ERBB4: variants seen among roughly 807,000 people sequenced by gnomAD.
ERBB4 encodes the protein erb-b2 receptor tyrosine kinase 4.
Under a neutral mutation model 158.0 loss-of-function variants are expected in ERBB4, and 42 were observed. The observed-to-expected ratio is 0.27, with a 90% CI of 0.21 to 0.34. ERBB4 has a LOEUF of 0.34. Among genes scored for constraint, ERBB4 ranks in the 10% least tolerant of loss-of-function variants. The pLI is 1.00. For missense variants in ERBB4, 1,333 were observed against 1,624.1 expected (o/e 0.82, Z 3.08); for synonymous variants, 583 against 558.7 (o/e 1.04, Z -0.61).
chr2:212,534,976 C>T (rs1381152591), intron 1 of ERBB4, among the ~76,000 whole-genome samples: 4 of 151,814 alleles, frequency 2.6e-5, no homozygotes, highest in Non-Finnish European at 4.4e-5. Flanking sequence ...AGACACATTT[C>T]CAGTGACTAA....
At chr2:211,393,168 C>T (rs2062838738) in intron 25 of ERBB4, among the ~76,000 whole-genome samples, 1 of 152,066 alleles carries the variant, frequency 6.6e-6, no homozygotes. Context: ...TCCTCAAAGT[C>T]TACTTTTATT....
At chr2:211,850,033 T>G (rs1356285146) in intron 3 of ERBB4, among the ~76,000 whole-genome samples, 1 of 152,040 alleles carries the variant, frequency 6.6e-6, no homozygotes, top group Non-Finnish European at 1.5e-5. Context: ...ATCACACTGA[T>G]GCTTTTTAAC....
intron 5 of ERBB4, among the ~76,000 whole-genome samples, chr2:211,726,220 T>C (rs2074262065): frequency 6.6e-6 from 1 of 152,186 alleles, no homozygotes; most frequent in South Asian, 2.1e-4. Context: ...CTCATAAACA[T>C]TAGCATTCCC....
chr2:211,868,419 C>A (rs2078261954), intron 3 of ERBB4, among the ~76,000 whole-genome samples: 1 of 152,182 alleles, frequency 6.6e-6, no homozygotes, highest in South Asian at 2.1e-4. Context: ...GGTTTTATGG[C>A]TCACTGCCAG....
At chr2:212,376,194 G>C (rs143020451) in intron 1 of ERBB4, among the ~76,000 whole-genome samples, 3 of 152,022 alleles carry the variant, frequency 2.0e-5, no homozygotes, top group Non-Finnish European at 4.4e-5. Flanking sequence ...CTGCAGAAAA[G>C]AGCAGAGCAT....
chr2:211,970,007 C>A (rs949477131), intron 2 of ERBB4, among the ~76,000 whole-genome samples: 1 of 152,000 alleles, frequency 6.6e-6, no homozygotes, highest in African/African-American at 2.4e-5. Context: ...TCAGATCTTT[C>A]TAACTTTTTG....
intron 2 of ERBB4, among the ~76,000 whole-genome samples, chr2:212,007,041 T>C (rs560677071): frequency 6.6e-6 from 1 of 152,160 alleles, no homozygotes; most frequent in South Asian, 2.1e-4. Context: ...CTACTATTAC[T>C]GCTAATAGTA....
chr2:211,806,224 A>C (rs575272001), intron 3 of ERBB4, among the ~76,000 whole-genome samples: 1 of 152,280 alleles, frequency 6.6e-6, no homozygotes, highest in African/African-American at 2.4e-5. Flanking sequence ...GATATAAGAA[A>C]GGCAGAGACA....
intron 19 of ERBB4, among the ~76,000 whole-genome samples, chr2:211,583,478 C>A (rs1415969589): frequency 6.6e-6 from 1 of 150,850 alleles, no homozygotes; most frequent in Non-Finnish European, 1.5e-5. Flanking sequence ...TTTATATTCC[C>A]AAGATTTTTG....
chr2:211,848,426 A>T (rs1237560559), intron 3 of ERBB4, among the ~76,000 whole-genome samples: 1 of 152,064 alleles, frequency 6.6e-6, no homozygotes, highest in East Asian at 1.9e-4. Context: ...GTCTAGCCTA[A>T]TGGAGTAAAA....
At chr2:212,524,562 C>T (rs1026442899) in intron 1 of ERBB4, among the ~76,000 whole-genome samples, 2 of 151,990 alleles carry the variant, frequency 1.3e-5, no homozygotes, top group African/African-American at 4.8e-5. Context: ...TAAATGTGGA[C>T]AGAACACCCC....
At chr2:212,088,793 A>T (rs2078689766) in intron 2 of ERBB4, among the ~76,000 whole-genome samples, 1 of 152,174 alleles carries the variant, frequency 6.6e-6, no homozygotes, top group South Asian at 2.1e-4. Flanking sequence ...ATTTTAAATT[A>T]AAAAATTACA....
chr2:211,981,173 C>T (rs991114926), intron 2 of ERBB4, among the ~76,000 whole-genome samples: 2 of 152,134 alleles, frequency 1.3e-5, no homozygotes, highest in African/African-American at 4.8e-5. Flanking sequence ...AGAGAGGACG[C>T]TGTTGTCTAT....
rs541139275 is a variant in ERBB4, at chr2:211,526,908, GA to G, written c.2487+34994del. On this transcript the variant is annotated intron_variant, in intron 20 of 27. Coordinates refer to ENST00000342788, the MANE Select transcript of ERBB4 (RefSeq NM_005235.3). ...AAAATATGGTCAGAGGAGACAAAAG[GA>G]AAAAGAATAAAAAACAATAAAGCAT... Among the ~76,000 whole-genome samples the G allele has an allele frequency of 4.6e-5, 7 of 151,904 alleles. No homozygotes were observed. The South Asian group carries it at 1.5e-3, about 32-fold the overall frequency.
At chr2:211,995,338 A>G (rs2082176168) in intron 2 of ERBB4, among the ~76,000 whole-genome samples, 1 of 152,198 alleles carries the variant, frequency 6.6e-6, no homozygotes, top group Non-Finnish European at 1.5e-5. Flanking sequence ...CTAATTGATG[A>G]TTGCAATAGT....
intron 1 of ERBB4, among the ~76,000 whole-genome samples, chr2:212,416,138 T>C (rs2091646228): frequency 6.6e-6 from 1 of 152,250 alleles, no homozygotes; most frequent in East Asian, 1.9e-4. Context: ...TGAAGAGACA[T>C]GAGAGGTAGT....
At chr2:212,367,366 G>A (rs1293856281) in intron 1 of ERBB4, among the ~76,000 whole-genome samples, 1 of 152,034 alleles carries the variant, frequency 6.6e-6, no homozygotes, top group Non-Finnish European at 1.5e-5. Context: ...AAATGGCGCT[G>A]GGATAATTGG....
intron 1 of ERBB4, among the ~76,000 whole-genome samples, chr2:212,314,247 T>C (rs894687753): frequency 2.6e-5 from 4 of 151,104 alleles, no homozygotes; most frequent in Non-Finnish European, 4.5e-5. Flanking sequence ...TATGAGTACA[T>C]AGTTTCTCAG....
chr2:212,057,150 CT>C (rs1363020852), intron 2 of ERBB4, among the ~76,000 whole-genome samples: 3 of 152,146 alleles, frequency 2.0e-5, no homozygotes, highest in Non-Finnish European at 4.4e-5. Context: ...ATAAAACAGA[CT>C]TTAAACCAGC....
Sources: gnomAD v4.1 joint callset for allele counts (sites outside exome capture counted in the v4.1 genomes callset) on GRCh38, gnomAD v4.1.1 for gene constraint, MANE v1.5 for transcripts, NCBI Gene and HGNC (gene_info 2026-07-23, HGNC 2026-07-21) for gene names.